Variants in MOK observed in about 807,000 individuals in gnomAD.
MOK encodes MOK protein kinase.
A neutral mutation model predicts 54.2 loss-of-function variants in MOK; 59 were observed. The observed-to-expected ratio is 1.09, with a 90% CI of 0.88 to 1.35. The LOEUF (loss-of-function observed/expected upper bound fraction) is 1.35, where lower values mean the gene tolerates loss of function less well. Among genes scored for constraint, MOK ranks in the 40% most tolerant of loss-of-function variants. The probability of loss-of-function intolerance (pLI) is 0.00; values close to 1 mark genes in which losing one functional copy is unlikely to be tolerated. For synonymous variants in MOK, 210 were observed against 202.7 expected (o/e 1.04, Z -0.31); for missense variants, 517 against 526.2 (o/e 0.98, Z 0.17).
intron 2 of MOK, among the ~76,000 whole-genome samples, chr14:102,281,583 T>C (rs2069443096): frequency 1.4e-5 from 2 of 147,784 alleles, no homozygotes; most frequent in Admixed American, 1.3e-4. Context: ...CAAAGGTGGC[T>C]GTTTAAGGAA....
chr14:102,235,323 C>A lies in MOK; in HGVS notation c.591-1534G>T, dbSNP rs923058249. 6.6e-6 allele frequency: 1 copy of A among 152,270 alleles called. No homozygotes were observed. Among genetic ancestry groups the A allele is most frequent in the East Asian group, 1.9e-4 (1 of 5,204 alleles). 9.4% of individuals were successfully genotyped at this position (152,270 alleles called of 1,614,324 possible). ...GGTTCTTCTCCGATCCCGACACTTA[C>A]ATCAAATAATTTAAATATCTCACCC... is the stretch of plus-strand genomic sequence containing the variant. On this transcript the variant is annotated intron_variant, in intron 7 of 11. Coordinates refer to ENST00000361847, the MANE Select transcript of MOK (RefSeq NM_014226.3). This position sits in a 1 kb window ranked among gnomAD's most constrained non-coding sequence, Gnocchi z 4.4.
rs1421718022 is a variant in MOK, at chr14:102,305,013, G to A, written c.-45C>T. 6.2e-7 allele frequency: 1 copy of A among 1,603,600 alleles called. No individual in the cohort carries two copies. The highest frequency in any genetic ancestry group is 8.5e-7 in the Non-Finnish European group (1 of 1,175,262). On this transcript the variant is annotated 5_prime_UTR_variant, in exon 1 of 12. Transcript: ENST00000361847. ...GACAACCCCTTGCCGACACTGGACG[G>A]AAAAGAAAGAAGCAGGAAGGTTGTC...
At chr14:102,257,975 C>CAAA (rs34751303) in intron 4 of MOK, among the ~76,000 whole-genome samples, 3 of 102,480 alleles carry the variant, frequency 2.9e-5, no homozygotes, top group African/African-American at 3.1e-5. Context: ...GACTCTGTCT[C>CAAA]AAAAAAAAAA....
intron 7 of MOK, among the ~76,000 whole-genome samples, chr14:102,250,447 C>A (rs763715530): frequency 6.6e-6 from 1 of 151,998 alleles, no homozygotes; most frequent in African/African-American, 2.4e-5. Context: ...CATCCTCACA[C>A]CTGTGGCCAG....
intron 4 of MOK, among the ~76,000 whole-genome samples, chr14:102,253,471 T>C (rs186579622): frequency 1.3e-5 from 2 of 152,240 alleles, no homozygotes; most frequent in African/African-American, 4.8e-5. Flanking sequence ...AGTGTTCCAC[T>C]AGGCTTTCCT....
At chr14:102,258,991 A>C (rs538330753) in intron 4 of MOK, among the ~76,000 whole-genome samples, 1 of 151,688 alleles carries the variant, frequency 6.6e-6, no homozygotes, top group South Asian at 2.1e-4. Context: ...GCTTGAACCC[A>C]GGAGACGGAG....
chr14:102,218,173 C>T, the MOK span, among the ~76,000 whole-genome samples: 1 of 152,182 alleles, frequency 6.6e-6, no homozygotes, highest in African/African-American at 2.4e-5. Context: ...GGCCTGTGTG[C>T]GTCTTACTTT....
chr14:102,227,502 C>T (rs1163900328), downstream of MOK, among the ~76,000 whole-genome samples: 3 of 152,208 alleles, frequency 2.0e-5, no homozygotes, highest in Non-Finnish European at 4.4e-5. Flanking sequence ...GCCCTCAAGG[C>T]TGCACCAGGG....
At chr14:102,248,010 T>G (rs891569295) in intron 7 of MOK, among the ~76,000 whole-genome samples, 4 of 152,168 alleles carry the variant, frequency 2.6e-5, no homozygotes, top group African/African-American at 9.7e-5. Flanking sequence ...CAATACAAGA[T>G]ATGATGCTGC....
At chr14:102,224,115 C>T (rs909156862), downstream of MOK, among the ~76,000 whole-genome samples, 9 of 149,102 alleles carry the variant, frequency 6.0e-5, no homozygotes, top group Non-Finnish European at 8.9e-5. Flanking sequence ...AATCTCGGCT[C>T]ACTGCAAGCT....
intron 7 of MOK, chr14:102,237,955 A>T (rs981511785): frequency 6.6e-6 from 1 of 152,174 alleles, no homozygotes; most frequent in Non-Finnish European, 1.5e-5. Context: ...CAATTACTCC[A>T]TGCCCTCTAT....
intron 4 of MOK, among the ~76,000 whole-genome samples, chr14:102,252,851 G>A (rs554108117): frequency 1.1e-4 from 16 of 152,298 alleles, no homozygotes; most frequent in African/African-American, 3.1e-4. Context: ...ACATGTCCAC[G>A]GCTATTTCAC....
chr14:102,273,280 C>CAAAAAAAAAAAAAA (rs760362999), intron 2 of MOK, among the ~76,000 whole-genome samples: 1 of 89,596 alleles, frequency 1.1e-5, no homozygotes, highest in African/African-American at 3.4e-5. Context: ...CATACTAGAA[C>CAAAAAAAAAAAAAA]AAAAAAAAAA....
At chr14:102,276,786 C>T (rs375155621) in intron 2 of MOK, among the ~76,000 whole-genome samples, 1,606 of 135,536 alleles carry the variant, frequency 0.012, 45 homozygotes, top group African/African-American at 0.046. Context: ...AGCGAAACTC[C>T]GTCTCAAAAA....
chr14:102,279,861 A>T (rs959164953), intron 2 of MOK, among the ~76,000 whole-genome samples: 2 of 152,026 alleles, frequency 1.3e-5, no homozygotes, highest in African/African-American at 4.8e-5. Context: ...AACTAAGATT[A>T]CTGCAAAAGC....
rs1189414782 is a variant in MOK at position 102,235,746 on chromosome 14, T to C, written c.591-1957A>G. On this transcript the variant is annotated intron_variant, in intron 7 of 11. Coordinates refer to ENST00000361847, the MANE Select transcript of MOK (RefSeq NM_014226.3). The surrounding 1 kb of genome is among the most constrained non-coding windows in gnomAD (Gnocchi z 4.4). ...CCTCCCGGGAAGGAACTATTGTTCT[T>C]TACATCCATTTTATTTCCCAATCTG... Among the ~76,000 whole-genome samples, 1 of 152,188 alleles carries C rather than the reference T, an allele frequency of 6.6e-6. No homozygotes were observed. Among genetic ancestry groups the C allele is most frequent in the Non-Finnish European group, 1.5e-5 (1 of 68,036 alleles).
intron 1 of MOK, among the ~76,000 whole-genome samples, chr14:102,292,126 A>T (rs1464496754): frequency 2.0e-5 from 3 of 152,090 alleles, no homozygotes; most frequent in Non-Finnish European, 4.4e-5. Flanking sequence ...TCCTTATAAA[A>T]GAGGGAGGGA....
At chr14:102,282,266 A>T (rs1047913671) in intron 2 of MOK, among the ~76,000 whole-genome samples, 1 of 152,112 alleles carries the variant, frequency 6.6e-6, no homozygotes, top group African/African-American at 2.4e-5. Context: ...CTAATTAATT[A>T]AAAAATGAAG....
chr14:102,299,702 C>T (rs1322228626), intron 1 of MOK, among the ~76,000 whole-genome samples: 3 of 152,082 alleles, frequency 2.0e-5, no homozygotes, highest in African/African-American at 7.2e-5. Context: ...GCTCCTCCCT[C>T]AGCCTCCCGA....
Sources: allele counts gnomAD v4.1 joint callset (sites outside exome capture counted in the v4.1 genomes callset), GRCh38; gene constraint gnomAD v4.1.1; non-coding constraint Gnocchi (gnomAD v3.1); transcripts MANE v1.5; gene names NCBI Gene and HGNC (gene_info 2026-07-23, HGNC 2026-07-21).